The following TNR variants were observed in gnomAD, a reference collection of about 807,000 sequenced individuals.
TNR encodes the protein tenascin R, also known as tenascin-R.
A neutral mutation model predicts 150.4 loss-of-function variants in TNR; 45 were observed. The observed-to-expected ratio is 0.30, with a 90% CI of 0.24 to 0.38. TNR has a LOEUF of 0.38. TNR is among the 10% of genes least tolerant of loss of function. TNR has a pLI of 1.00. For missense variants in TNR, 1,544 were observed against 1,759.1 expected, an observed-to-expected ratio of 0.88 and a Z score of 2.19; for synonymous variants, 687 against 678.4, an observed-to-expected ratio of 1.01 and a Z score of -0.20.
chr1:175,547,486 G>A (rs1660734812), intron 1 of TNR, among the ~76,000 whole-genome samples: 2 of 152,042 alleles, frequency 1.3e-5, no homozygotes, highest in Admixed American at 6.6e-5. Flanking sequence ...ATCTGCAGAG[G>A]AAGTGAGACT....
chr1:175,642,189 C>A (rs1278417002), intron 1 of TNR, among the ~76,000 whole-genome samples: 1 of 152,128 alleles, frequency 6.6e-6, no homozygotes, highest in Non-Finnish European at 1.5e-5. Flanking sequence ...CCCCCACCAC[C>A]CGCCCCCAGT....
chr1:175,414,199 C>T (rs1654336120), intron 2 of TNR, among the ~76,000 whole-genome samples: 1 of 151,616 alleles, frequency 6.6e-6, no homozygotes, highest in Non-Finnish European at 1.5e-5. Context: ...TTCTTTTGCT[C>T]ATAAGCCACC....
chr1:175,459,107 A>G (rs570824752), intron 2 of TNR, among the ~76,000 whole-genome samples: 4 of 151,228 alleles, frequency 2.6e-5, no homozygotes, highest in African/African-American at 4.9e-5. Context: ...CACCAATATT[A>G]TTACCATCAC....
At chr1:175,550,394 G>T (rs1221644731) in intron 1 of TNR, among the ~76,000 whole-genome samples, 2 of 152,138 alleles carry the variant, frequency 1.3e-5, no homozygotes, top group African/African-American at 4.8e-5. Context: ...ATAGACTCTG[G>T]ACTTGAGGAC....
At chr1:175,553,213 G>C (rs1386964843) in intron 1 of TNR, among the ~76,000 whole-genome samples, 1 of 152,156 alleles carries the variant, frequency 6.6e-6, no homozygotes, top group Non-Finnish European at 1.5e-5. Flanking sequence ...GAAACACACT[G>C]TATTCAAAAC....
intron 17 of TNR, among the ~76,000 whole-genome samples, chr1:175,354,982 T>C (rs1488781281): frequency 2.0e-5 from 3 of 152,212 alleles, no homozygotes; most frequent in African/African-American, 7.2e-5. Context: ...CTGTTTCAAC[T>C]GATGAAATAA....
intron 2 of TNR, among the ~76,000 whole-genome samples, chr1:175,464,860 G>T (rs1656963090): frequency 6.6e-6 from 1 of 152,098 alleles, no homozygotes; most frequent in African/African-American, 2.4e-5. Flanking sequence ...CACTGAAAAT[G>T]CAGGGCTTAA....
chr1:175,465,678 T>G (rs1657003936), intron 2 of TNR, among the ~76,000 whole-genome samples: 1 of 151,862 alleles, frequency 6.6e-6, no homozygotes, highest in Non-Finnish European at 1.5e-5. Flanking sequence ...ACAGAGGGAG[T>G]GAAGAAGTAT....
At chr1:175,555,685 A>G (rs1349604738) in intron 1 of TNR, among the ~76,000 whole-genome samples, 1 of 152,164 alleles carries the variant, frequency 6.6e-6, no homozygotes, top group East Asian at 1.9e-4. Context: ...TCTTGTACCC[A>G]TTTTCTGAAT....
At chr1:175,491,158 G>A (rs1411293758) in intron 2 of TNR, among the ~76,000 whole-genome samples, 1 of 150,588 alleles carries the variant, frequency 6.6e-6, no homozygotes, top group African/African-American at 2.5e-5. Context: ...TTATAAGTGG[G>A]AGCTGAATGA....
At chr1:175,577,595 G>A (rs936024230) in intron 1 of TNR, among the ~76,000 whole-genome samples, 9 of 152,086 alleles carry the variant, frequency 5.9e-5, no homozygotes, top group African/African-American at 1.7e-4. Context: ...CTGGGGGTGC[G>A]GGTTTGGGAG....
chr1:175,341,682 A>G (rs1002492316), intron 18 of TNR, among the ~76,000 whole-genome samples: 2 of 152,210 alleles, frequency 1.3e-5, no homozygotes, highest in Non-Finnish European at 2.9e-5. Flanking sequence ...GGCCCTGGCA[A>G]GTGTCTGTCC....
At chr1:175,657,483 T>C in intron 1 of TNR, among the ~76,000 whole-genome samples, 1 of 152,036 alleles carries the variant, frequency 6.6e-6, no homozygotes, top group Non-Finnish European at 1.5e-5. Flanking sequence ...ATGTTTATTG[T>C]GGCACTATTC....
chr1:175,473,694 G>T (rs1296297610), intron 2 of TNR, among the ~76,000 whole-genome samples: 1 of 152,188 alleles, frequency 6.6e-6, no homozygotes, highest in Non-Finnish European at 1.5e-5. Flanking sequence ...CCATAGTGAT[G>T]CTGGAGGGAT....
At chr1:175,494,759 A>C (rs994133690) in intron 2 of TNR, among the ~76,000 whole-genome samples, 88 of 152,348 alleles carry the variant, frequency 5.8e-4, no homozygotes, top group African/African-American at 2.1e-3. Context: ...TTTCACAGTC[A>C]AAGCCTAGGA....
chr1:175,322,669 C>G lies in TNR; in HGVS notation c.*688G>C, dbSNP rs1282042500. The stretch of plus-strand genomic sequence containing the variant: ...TGGTGGCTCATGCCTGTAGTCCCAG[C>G]TACTCAAGAGGCTGAGACGAGAGGA... On this transcript the variant is annotated 3_prime_UTR_variant, in exon 23 of 23. Transcript: ENST00000367674. The G allele has an allele frequency of 6.6e-6, 1 of 152,300 alleles. No individual in the cohort carries two copies. The highest frequency in any genetic ancestry group is 2.4e-5 in the African/African-American group (1 of 41,414). The allele number at this position is 152,300 out of a possible 1,614,324, so 9.4% of individuals were successfully genotyped here. A position where few individuals can be genotyped will look rare whatever the true frequency, so the allele number is the denominator to read the frequency against.
chr1:175,629,984 G>A (rs1270270913), intron 1 of TNR, among the ~76,000 whole-genome samples: 1 of 152,186 alleles, frequency 6.6e-6, no homozygotes, highest in African/African-American at 2.4e-5. Flanking sequence ...CCCATACTGA[G>A]TCCTGGGGAG....
At chr1:175,720,249 T>C (rs1667262689) in intron 1 of TNR, among the ~76,000 whole-genome samples, 1 of 152,162 alleles carries the variant, frequency 6.6e-6, no homozygotes, top group Admixed American at 6.5e-5. Flanking sequence ...GCTCACTTGC[T>C]CTCTTGTGCT....
intron 1 of TNR, among the ~76,000 whole-genome samples, chr1:175,638,700 C>A (rs1664559083): frequency 6.6e-6 from 1 of 152,124 alleles, no homozygotes; most frequent in Non-Finnish European, 1.5e-5. Flanking sequence ...CAGGATCCCT[C>A]CCATGATGAT....
Sources: allele counts gnomAD v4.1 joint callset (sites outside exome capture counted in the v4.1 genomes callset), GRCh38; gene constraint gnomAD v4.1.1; transcripts MANE v1.5; gene names NCBI Gene and HGNC (gene_info 2026-07-23, HGNC 2026-07-21).